The following RPH3AL variants were observed in gnomAD, a reference collection of about 807,000 sequenced individuals.
RPH3AL encodes rab effector Noc2.
Under a neutral mutation model 43.1 loss-of-function variants are expected in RPH3AL, and 38 were observed. The observed-to-expected ratio is 0.88, with a 90% confidence interval of 0.68 to 1.15. The LOEUF (loss-of-function observed/expected upper bound fraction) is 1.15, where lower values mean the gene tolerates loss of function less well. Ranked by LOEUF, RPH3AL falls within the 50% of genes most tolerant of loss-of-function variation. The probability of loss-of-function intolerance (pLI) is 0.00; values close to 1 mark genes in which losing one functional copy is unlikely to be tolerated. For missense variants in RPH3AL, 462 were observed against 423.2 expected (o/e 1.09, Z -0.81); for synonymous variants, 189 against 176.3 (o/e 1.07, Z -0.57).
intron 2 of RPH3AL, chr17:331,331 T>A (rs1261981444): frequency 2.3e-5 from 1 of 43,776 alleles, no homozygotes; most frequent in Non-Finnish European, 4.9e-5. Flanking sequence ...CGGAAGGATG[T>A]CGCCTCCAGA....
intron 8 of RPH3AL, among the ~76,000 whole-genome samples, chr17:216,271 G>A (rs1038452709): frequency 6.6e-6 from 1 of 152,132 alleles, no homozygotes; most frequent in Non-Finnish European, 1.5e-5. Flanking sequence ...GCTCTGGCCC[G>A]ACCCCACCCT....
At chr17:303,471 G>A (rs2043384413) in intron 5 of RPH3AL, among the ~76,000 whole-genome samples, 1 of 152,100 alleles carries the variant, frequency 6.6e-6, no homozygotes, top group Non-Finnish European at 1.5e-5. Context: ...GAAAGAGGTT[G>A]GGGGGCAGGG....
intron 7 of RPH3AL, among the ~76,000 whole-genome samples, chr17:236,019 C>T (rs1322378705): frequency 2.0e-5 from 3 of 151,508 alleles, no homozygotes; most frequent in African/African-American, 4.9e-5. Flanking sequence ...AAGCTGGGGT[C>T]GGCGGTGGCT....
At chr17:308,296 C>G (rs2043553551) in intron 5 of RPH3AL, among the ~76,000 whole-genome samples, 1 of 152,188 alleles carries the variant, frequency 6.6e-6, no homozygotes, top group Admixed American at 6.5e-5. Flanking sequence ...ACCGCACACC[C>G]ATTTGGGAGG....
chr17:312,356 G>A (rs991054976), intron 5 of RPH3AL, among the ~76,000 whole-genome samples: 2 of 152,118 alleles, frequency 1.3e-5, no homozygotes, highest in African/African-American at 2.4e-5. Flanking sequence ...CCTGCCACAC[G>A]AGGACACACG....
At chr17:256,076 A>G (rs375972449) in intron 6 of RPH3AL, among the ~76,000 whole-genome samples, 622 of 9,974 alleles carry the variant, frequency 0.062, no homozygotes, top group African/African-American at 0.088. Context: ...GTCCTTTTCC[A>G]TCCCTAGGAA....
chr17:250,371 C>T (rs1402448660), intron 6 of RPH3AL, among the ~76,000 whole-genome samples: 2 of 142,566 alleles, frequency 1.4e-5, no homozygotes. Context: ...CAAGCTCCGT[C>T]GCTGCGGGAC....
intron 8 of RPH3AL, among the ~76,000 whole-genome samples, chr17:219,192 C>CTTTTTTTTTTTTTTTTTTTT (rs796389217): frequency 1.7e-5 from 1 of 58,004 alleles, no homozygotes; most frequent in African/African-American, 7.8e-5. Context: ...ATAAACAGCA[C>CTTTTTTTTTTTTTTTTTTTT]TTTTTTTTTT....
At chr17:317,250 C>G (rs71355211) in intron 5 of RPH3AL, among the ~76,000 whole-genome samples, 1 of 151,114 alleles carries the variant, frequency 6.6e-6, no homozygotes, top group African/African-American at 2.4e-5. Context: ...CCTCCATTGA[C>G]CTGCAGTCCC....
At chr17:251,977 T>TTTTTTTTTTTTTAC (rs1491324015) in intron 6 of RPH3AL, among the ~76,000 whole-genome samples, 1 of 2,118 alleles carries the variant, frequency 4.7e-4, no homozygotes, top group Non-Finnish European at 8.8e-4. Flanking sequence ...TTTTTTTTAC[T>TTTTTTTTTTTTTAC]TTTTTTTTTT....
chr17:298,174 C>A (rs566934365), intron 5 of RPH3AL, among the ~76,000 whole-genome samples: 144 of 152,330 alleles, frequency 9.5e-4, no homozygotes, highest in African/African-American at 3.4e-3. Context: ...TGAGTCAGCA[C>A]AGACCACCCA....
At chr17:341,808 A>C (rs954547204) in intron 1 of RPH3AL, among the ~76,000 whole-genome samples, 1 of 152,316 alleles carries the variant, frequency 6.6e-6, no homozygotes, top group East Asian at 1.9e-4. Context: ...TCGGCCCCCC[A>C]GATAGCTGAG....
At chr17:238,807 G>T (rs1302613461) in intron 7 of RPH3AL, among the ~76,000 whole-genome samples, 1 of 152,164 alleles carries the variant, frequency 6.6e-6, no homozygotes, top group Non-Finnish European at 1.5e-5. Context: ...CCTGTGGAGG[G>T]GATGAACCCA....
intron 7 of RPH3AL, among the ~76,000 whole-genome samples, chr17:231,451 C>T (rs4890195): frequency 0.87 from 132,640 of 152,268 alleles, 57,845 homozygotes; most frequent in African/African-American, 0.89. Context: ...CTGAGCCCCA[C>T]GTGCAAGGCC....
At position 321,497 on chromosome 17, in the gene RPH3AL, C is replaced by G. The variant is rs554404850; in HGVS notation, c.78-82G>C. ...CCCCTACCACATCCACCAAGCCCCC[C>G]CGAGAACAGTCAGTGGACGGCCCAG... On this transcript the variant is annotated intron_variant, in intron 3 of 9. Transcript: ENST00000331302. 1.2e-3 allele frequency: 1,760 copies of G among 1,431,072 alleles called. 5 individuals carry two copies. Among genetic ancestry groups the G allele is most frequent in the Non-Finnish European group, 1.1e-3 (1,220 of 1,087,442 alleles). The allele number at this position is 1,431,072 out of a possible 1,614,324, so 88.6% of individuals were successfully genotyped here. A position where few individuals can be genotyped will look rare whatever the true frequency, so the allele number is the denominator to read the frequency against.
chr17:349,796 C>G (rs1180147727), intron 1 of RPH3AL, among the ~76,000 whole-genome samples: 2 of 152,158 alleles, frequency 1.3e-5, no homozygotes, highest in African/African-American at 2.4e-5. Flanking sequence ...GATTATGCAA[C>G]TCTAGTTTTA....
intron 3 of RPH3AL, among the ~76,000 whole-genome samples, chr17:326,491 A>C (rs2044623688): frequency 6.6e-6 from 1 of 152,160 alleles, no homozygotes; most frequent in Non-Finnish European, 1.5e-5. Context: ...GAAGGCAGGC[A>C]AGGCATCTGA....
chr17:244,576 G>A (rs1475507892), intron 7 of RPH3AL, among the ~76,000 whole-genome samples: 1 of 152,124 alleles, frequency 6.6e-6, no homozygotes, highest in Non-Finnish European at 1.5e-5. Context: ...GCTGGCCCCG[G>A]GGCCCTCGGA....
chr17:313,275 T>C (rs1415838508), intron 5 of RPH3AL, among the ~76,000 whole-genome samples: 1 of 152,128 alleles, frequency 6.6e-6, no homozygotes, highest in Admixed American at 6.5e-5. Context: ...TAGGGTCGTC[T>C]CTTAAAAACA....
Sources: gnomAD v4.1 joint callset for allele counts (sites outside exome capture counted in the v4.1 genomes callset) on GRCh38, gnomAD v4.1.1 for gene constraint, MANE v1.5 for transcripts, NCBI Gene and HGNC (gene_info 2026-07-23, HGNC 2026-07-21) for gene names.